ALDH2: variants seen among roughly 807,000 people sequenced by gnomAD.
The protein encoded by ALDH2 is aldehyde dehydrogenase 2 family member.
In ALDH2, 44 loss-of-function variants were observed where a neutral mutation model predicts 59.6. The observed-to-expected ratio is 0.74, with a 90% CI of 0.58 to 0.95. ALDH2 has a LOEUF of 0.95. Among genes scored for constraint, ALDH2 ranks in the 40% least tolerant of loss-of-function variants. The probability of loss-of-function intolerance (pLI) is 0.00; values close to 1 mark genes in which losing one functional copy is unlikely to be tolerated. For synonymous variants in ALDH2, 291 were observed against 284.0 expected (o/e 1.02, Z -0.25); for missense variants, 570 against 696.3 (o/e 0.82, Z 2.04).
intron 6 of ALDH2, 77 bp downstream of exon 6, chr12:111,790,639 CAG>C: frequency 6.3e-7 from 1 of 1,585,806 alleles, no homozygotes; most frequent in Non-Finnish European, 8.6e-7. Context: ...AGAAGGGTCT[CAG>C]GGGTCCCTAA....
intron 11 of ALDH2, 77 bp from the exon 12 acceptor site, chr12:111,803,781 TG>T (rs2068472241): frequency 1.1e-6 from 1 of 943,550 alleles, no homozygotes; most frequent in Non-Finnish European, 1.5e-6. Flanking sequence ...ATAAAGACTT[TG>T]GGGCAATACA....
intron 11 of ALDH2, among the ~76,000 whole-genome samples, chr12:111,802,347 G>A (rs1345519301): frequency 6.7e-6 from 1 of 150,372 alleles, no homozygotes; most frequent in Non-Finnish European, 1.5e-5. Flanking sequence ...GGGAGGCAGA[G>A]GTTACAGTGA....
chr12:111,776,791 TCTC>T (rs1296277072), intron 1 of ALDH2, among the ~76,000 whole-genome samples: 1 of 151,956 alleles, frequency 6.6e-6, no homozygotes, highest in Non-Finnish European at 1.5e-5. Flanking sequence ...TTCAAGCAAT[TCTC>T]CTGCCTCAGC....
intron 1 of ALDH2, among the ~76,000 whole-genome samples, chr12:111,778,651 G>T (rs2068250455): frequency 6.6e-6 from 1 of 151,288 alleles, no homozygotes; most frequent in African/African-American, 2.4e-5. Flanking sequence ...GGCTAACTCG[G>T]TGAAACCCCG....
chr12:111,785,661 T>G (rs1376293910), intron 4 of ALDH2, among the ~76,000 whole-genome samples: 1 of 151,876 alleles, frequency 6.6e-6, no homozygotes, highest in Non-Finnish European at 1.5e-5. Flanking sequence ...GAAGTGGAGG[T>G]CACAGTGAGC....
At chr12:111,798,388 A>T in intron 10 of ALDH2, 146 bp downstream of exon 10, 1 of 799,618 alleles carries the variant, frequency 1.3e-6, no homozygotes, top group Non-Finnish European at 1.9e-6. Flanking sequence ...ATAACACGCT[A>T]TTCATAGTAT....
rs536553868 is a variant in ALDH2, at chr12:111,801,493, G to T, written c.1406+1430G>T. ...GTGGGTAGGTCACTTGAGGTCAAGA[G>T]TTTGAGACCAGCCTGGCCAACATGG... is the stretch of plus-strand genomic sequence containing the variant. On this transcript the variant is annotated intron_variant, in intron 11 of 12. Coordinates refer to ENST00000261733, the MANE Select transcript of ALDH2 (RefSeq NM_000690.4). 2.0e-5 allele frequency among the ~76,000 whole-genome samples: 3 copies of T among 152,090 alleles called. No homozygotes were observed. The South Asian group carries it at 6.2e-4, about 32-fold the overall frequency.
chr12:111,784,440 G>A (rs2068295259), intron 3 of ALDH2, among the ~76,000 whole-genome samples: 1 of 152,212 alleles, frequency 6.6e-6, no homozygotes, highest in Non-Finnish European at 1.5e-5. Context: ...TTGAGCATCA[G>A]CGCTTGCACC....
At chr12:111,792,296 G>A (rs1017606303) in intron 8 of ALDH2, 133 bp downstream of exon 8, 3 of 751,548 alleles carry the variant, frequency 4.0e-6, no homozygotes, top group East Asian at 2.7e-5. Flanking sequence ...AGGATAAGAC[G>A]CCAGCGCAGG....
At chr12:111,782,061 C>A (rs369579839) in intron 2 of ALDH2, 39 bp downstream of exon 2, 3 of 1,489,420 alleles carry the variant, frequency 2.0e-6, no homozygotes, top group South Asian at 1.1e-5. Context: ...GGGATGGATT[C>A]GTCTTCTATT....
chr12:111,783,082 G>A (rs2068284738), intron 2 of ALDH2, 76 bp from the exon 3 acceptor site: 2 of 1,541,794 alleles, frequency 1.3e-6, no homozygotes, highest in South Asian at 1.2e-5. Context: ...TTCTGGATGT[G>A]TTTGTATTCG....
rs893145442 is a variant in ALDH2, at chr12:111,766,993, C to T, written c.11C>T (p.Ala4Val). MLR[A>V]AARFGPRLGR... Reference sequence around the variant, plus strand: ...CGCTAGCCCGCTGCGATGTTGCGCGCTGCCGCCCGCTTCGGGCCCCGCCTG... The same window carrying T: ...CGCTAGCCCGCTGCGATGTTGCGCGTTGCCGCCCGCTTCGGGCCCCGCCTG... The change falls in exon 1 of 13, where the codon GCT (alanine) becomes GTT (valine). Residue 4 changes from alanine to valine, a missense_variant. Coordinates refer to ENST00000261733, the MANE Select transcript of ALDH2 (RefSeq NM_000690.4). The T allele has an allele frequency of 3.9e-6, 6 of 1,522,272 alleles. No homozygotes were observed. Among genetic ancestry groups the T allele is most frequent in the South Asian group, 1.2e-5 (1 of 82,894 alleles). 94.3% of individuals were successfully genotyped at this position (1,522,272 alleles called of 1,614,324 possible). A position where few individuals can be genotyped will look rare whatever the true frequency, so the allele number is the denominator to read the frequency against.
At chr12:111,767,141 C>A (rs567143183) in intron 1 of ALDH2, 45 bp downstream of exon 1, 27 of 1,392,516 alleles carry the variant, frequency 1.9e-5, no homozygotes, top group East Asian at 1.7e-4. Context: ...CGGCCCGAGT[C>A]CCCCGCAGGC....
At chr12:111,804,292 T>C (rs2068476257) in intron 12 of ALDH2, among the ~76,000 whole-genome samples, 1 of 152,052 alleles carries the variant, frequency 6.6e-6, no homozygotes, top group Non-Finnish European at 1.5e-5. Context: ...CTCTGTCCCA[T>C]GAGAAATACT....
At position 111,803,917 on chromosome 12, in the gene ALDH2, G is replaced by A. The variant is rs1218041804; in HGVS notation, c.1465G>A (p.Gly489Arg). ...QSPFGGYKMS[G>R]SGRELGEYGL... is the part of the protein sequence containing the mutation. ...ACCCTTTGGTGGCTACAAGATGTCGGGGAGTGGCCGGGAGTTGGGCGAGTA... is the reference window on the plus strand; with the variant it reads ...ACCCTTTGGTGGCTACAAGATGTCGAGGAGTGGCCGGGAGTTGGGCGAGTA... Residue 489 changes from glycine to arginine, a missense_variant, in exon 12 of 13, where the codon GGG becomes AGG. Physicochemically the swap from Gly to Arg is moderately radical, Grantham distance 125 (BLOSUM62 -2). Coordinates refer to ENST00000261733, the MANE Select transcript of ALDH2 (RefSeq NM_000690.4). The A allele has an allele frequency of 1.9e-6, 3 of 1,613,372 alleles. No individual in the cohort carries two copies. The highest frequency in any genetic ancestry group is 2.5e-6 in the Non-Finnish European group (3 of 1,179,664).
intron 1 of ALDH2, 81 bp downstream of exon 1, chr12:111,767,177 G>A (rs2068165580): frequency 1.2e-5 from 14 of 1,167,648 alleles, no homozygotes; most frequent in Non-Finnish European, 1.6e-5. Flanking sequence ...GCGCCGCCGT[G>A]GGCCTTAGTG....
intron 1 of ALDH2, among the ~76,000 whole-genome samples, chr12:111,777,173 G>A (rs534144169): frequency 6.6e-6 from 1 of 152,310 alleles, no homozygotes; most frequent in East Asian, 1.9e-4. Context: ...CTTTGCTGCT[G>A]TGTGACCTAG....
chr12:111,786,251 T>A (rs990913905), intron 4 of ALDH2, among the ~76,000 whole-genome samples: 1 of 152,208 alleles, frequency 6.6e-6, no homozygotes, highest in African/African-American at 2.4e-5. Flanking sequence ...TATTATTATT[T>A]TTTGAGATGG....
At chr12:111,770,748 G>A (rs1034172610) in intron 1 of ALDH2, among the ~76,000 whole-genome samples, 2 of 152,078 alleles carry the variant, frequency 1.3e-5, no homozygotes, top group Non-Finnish European at 2.9e-5. Flanking sequence ...GGGTTCAAGC[G>A]ATTCTCCTGC....
Sources: allele counts gnomAD v4.1 joint callset (sites outside exome capture counted in the v4.1 genomes callset), GRCh38; gene constraint gnomAD v4.1.1; transcripts MANE v1.5; gene names NCBI Gene and HGNC (gene_info 2026-07-23, HGNC 2026-07-21).